SAFB2: variants seen among roughly 807,000 people sequenced by gnomAD.
SAFB2 encodes the protein scaffold attachment factor B2.
Under a neutral mutation model 100.6 loss-of-function variants are expected in SAFB2, and 32 were observed. The ratio of observed to expected loss-of-function variants is 0.32; its 90% CI spans 0.24 to 0.43. The LOEUF is 0.43. Ranked by LOEUF, SAFB2 falls within the 20% of genes least tolerant of loss-of-function variation. SAFB2 has a pLI of 1.00. For synonymous variants in SAFB2, 500 were observed against 439.4 expected (o/e 1.14, Z -1.72); for missense variants, 1,185 against 1,163.4 (o/e 1.02, Z -0.27).
Position 5,587,148 on chromosome 19 carries a change from C to T in SAFB2, c.*95G>A. On this transcript the variant is annotated 3_prime_UTR_variant, in exon 21 of 21. Transcript: ENST00000252542. This position sits in a 1 kb window ranked among gnomAD's most constrained non-coding sequence, Gnocchi z 4.9. Reference sequence around the variant, plus strand: ...AGCTACAACATGGTGGCAGGATTTACTTTGCTTTTAAAAAGATCCCCCAAG... The same window carrying T: ...AGCTACAACATGGTGGCAGGATTTATTTTGCTTTTAAAAAGATCCCCCAAG... 2.0e-6 allele frequency: 3 copies of T among 1,520,048 alleles called. No individual in the cohort carries two copies. Among genetic ancestry groups the T allele is most frequent in the Non-Finnish European group, 1.8e-6 (2 of 1,117,528 alleles). 94.2% of individuals were successfully genotyped at this position (1,520,048 alleles called of 1,614,324 possible). A position where few individuals can be genotyped will look rare whatever the true frequency, so the allele number is the denominator to read the frequency against.
Position 5,602,604 on chromosome 19 carries a change from G to A in SAFB2, c.1559+1979C>T, listed in dbSNP as rs185356000. 3.1e-4 allele frequency among the ~76,000 whole-genome samples: 47 copies of A among 151,552 alleles called. No homozygotes were observed. In the East Asian group the frequency reaches 6.6e-3, roughly 21 times the overall value. ...GTTTCCCAGCAAACTCAGGCAGGGCGCGCTCCCCTCTCTAGGCCTGTATCC... is the reference window on the plus strand; with the variant it reads ...GTTTCCCAGCAAACTCAGGCAGGGCACGCTCCCCTCTCTAGGCCTGTATCC... On this transcript the variant is annotated intron_variant, in intron 11 of 20. Transcript: ENST00000252542.
chr19:5,606,252 G>GA (rs1052252252), intron 9 of SAFB2, among the ~76,000 whole-genome samples: 117 of 152,272 alleles, frequency 7.7e-4, no homozygotes, highest in African/African-American at 2.7e-3. Flanking sequence ...CTGTGTCCCA[G>GA]AAAAAAGCTC....
intron 13 of SAFB2, among the ~76,000 whole-genome samples, chr19:5,597,051 C>T (rs749019714): frequency 6.6e-5 from 10 of 152,092 alleles, no homozygotes; most frequent in Admixed American, 1.3e-4. Context: ...GCTTTGCCTA[C>T]GAGACGGGCA....
At chr19:5,613,703 C>T (rs2052960422) in intron 4 of SAFB2, 176 bp from the exon 5 acceptor site, 8 of 985,444 alleles carry the variant, frequency 8.1e-6, no homozygotes, top group Non-Finnish European at 9.6e-6. Context: ...ACACACTCCA[C>T]GACTCTGCTC....
intron 13 of SAFB2, 121 bp downstream of exon 13, chr19:5,598,672 G>A (rs908685462): frequency 2.9e-5 from 23 of 794,220 alleles, no homozygotes; most frequent in Admixed American, 2.7e-4. Context: ...CACAATTATC[G>A]CGCCTCCTAC....
At chr19:5,589,878 G>GA (rs1459549139) in intron 18 of SAFB2, among the ~76,000 whole-genome samples, 3 of 152,132 alleles carry the variant, frequency 2.0e-5, no homozygotes, top group Non-Finnish European at 4.4e-5. Context: ...GGGGGTCAGA[G>GA]AAAAAACCCG....
At chr19:5,595,332 A>G (rs2052513288) in intron 14 of SAFB2, 29 bp downstream of exon 14, 1 of 1,598,902 alleles carries the variant, frequency 6.3e-7, no homozygotes, top group African/African-American at 1.3e-5. Context: ...GGAAACCACC[A>G]GCCCACAGCC....
intron 16 of SAFB2, among the ~76,000 whole-genome samples, chr19:5,592,101 G>A (rs2052421103): frequency 6.6e-6 from 1 of 152,084 alleles, no homozygotes; most frequent in South Asian, 2.1e-4. Flanking sequence ...GACCCAATGC[G>A]TGGGACTCAT....
intron 11 of SAFB2, among the ~76,000 whole-genome samples, chr19:5,604,113 CA>C (rs993501257): frequency 1.3e-5 from 2 of 152,198 alleles, no homozygotes; most frequent in African/African-American, 4.8e-5. Flanking sequence ...TAGCTTTACA[CA>C]GAAAGCTGAA....
intron 15 of SAFB2, 44 bp downstream of exon 15, chr19:5,593,847 G>C: frequency 7.1e-7 from 1 of 1,412,668 alleles, no homozygotes; most frequent in Non-Finnish European, 9.2e-7. Context: ...GAACACCGCT[G>C]CCACGCTGGT....
intron 12 of SAFB2, among the ~76,000 whole-genome samples, chr19:5,599,684 G>C (rs2052613695): frequency 6.6e-6 from 1 of 152,140 alleles, no homozygotes; most frequent in South Asian, 2.1e-4. Flanking sequence ...AACAGAAGTG[G>C]CATCGTCCAA....
intron 14 of SAFB2, among the ~76,000 whole-genome samples, chr19:5,594,680 T>C (rs1275501004): frequency 2.0e-5 from 3 of 152,086 alleles, no homozygotes; most frequent in African/African-American, 7.2e-5. Context: ...GGCTGGGCCT[T>C]CCACACGGGC....
chr19:5,596,035 T>A (rs12977910), intron 13 of SAFB2, among the ~76,000 whole-genome samples: 1 of 152,116 alleles, frequency 6.6e-6, no homozygotes, highest in African/African-American at 2.4e-5. Flanking sequence ...GAGGCCAAGG[T>A]GGGCGGATCA....
Position 5,622,660 on chromosome 19 carries a change from C to A in SAFB2, c.56G>T (p.Gly19Val). 1 of 1,608,270 alleles carries A rather than the reference C, an allele frequency of 6.2e-7. No homozygotes were observed. The highest frequency in any genetic ancestry group is 8.5e-7 in the Non-Finnish European group (1 of 1,178,824). The change falls in exon 1 of 21, where the codon GGC becomes GTC. Residue 19 changes from glycine (G) to valine (V), a missense_variant. By Grantham distance (109) the Gly-to-Val change is moderately radical. This residue lies in a region of SAFB2 where 351 missense variants were observed against 341.2 expected (regional missense o/e 1.03). Coordinates refer to ENST00000252542, the MANE Select transcript of SAFB2 (RefSeq NM_014649.3). Reference sequence around the variant, plus strand: ...CGTCCCAGTCTCCGCAACGCCCGGGCCGAGAGAAGCCGTGCCAGGGCCCGA... The same window carrying A: ...CGTCCCAGTCTCCGCAACGCCCGGGACGAGAGAAGCCGTGCCAGGGCCCGA... ...GDSGPGTASL[G>V]PGVAETGTRR...
chr19:5,610,885 T>G, intron 7 of SAFB2, 197 bp from the exon 8 acceptor site: 4 of 781,748 alleles, frequency 5.1e-6, no homozygotes, highest in Non-Finnish European at 8.0e-6. Context: ...TCAATTCGAT[T>G]TAGCTGAAGA....
chr19:5,605,041 C>A, intron 9 of SAFB2, 105 bp from the exon 10 acceptor site: 1 of 1,317,040 alleles, frequency 7.6e-7, no homozygotes, highest in South Asian at 1.3e-5. Context: ...TCACCTCTCC[C>A]CATATGGTAG....
intron 7 of SAFB2, 24 bp downstream of exon 7, chr19:5,611,096 G>C: frequency 2.9e-6 from 1 of 350,770 alleles, no homozygotes; most frequent in East Asian, 5.8e-5. Context: ...ATAGCGTCTG[G>C]TCTAAAACTG....
chr19:5,599,971 A>G (rs972527687), intron 12 of SAFB2, among the ~76,000 whole-genome samples, 159 bp downstream of exon 12: 1 of 152,132 alleles, frequency 6.6e-6, no homozygotes, highest in African/African-American at 2.4e-5. Context: ...CACTCCTTTA[A>G]GCCATTTCAT....
At chr19:5,607,960 C>T (rs1172615455) in intron 9 of SAFB2, among the ~76,000 whole-genome samples, 1 of 152,258 alleles carries the variant, frequency 6.6e-6, no homozygotes, top group Non-Finnish European at 1.5e-5. Context: ...TTCTACCTTC[C>T]CATCAAATTA....
Sources: gnomAD v4.1 joint callset for allele counts (sites outside exome capture counted in the v4.1 genomes callset) on GRCh38, gnomAD v4.1.1 for gene constraint, gnomAD v4.1.1 regional missense constraint, Gnocchi (gnomAD v3.1) non-coding constraint, MANE v1.5 for transcripts, NCBI Gene and HGNC (gene_info 2026-07-23, HGNC 2026-07-21) for gene names.